FBXW12: variants seen among roughly 807,000 people sequenced by gnomAD.
The protein encoded by FBXW12 is F-box and WD repeat domain containing 12.
Under a neutral mutation model 55.3 loss-of-function variants are expected in FBXW12, and 43 were observed. The observed-to-expected ratio is 0.78, with a 90% CI of 0.61 to 1.00. FBXW12 has a LOEUF of 1.00. Among genes scored for constraint, FBXW12 ranks in the 50% least tolerant of loss-of-function variants. The pLI, the probability that FBXW12 is intolerant of heterozygous loss-of-function variation, is 0.00. For missense variants in FBXW12, 524 were observed against 560.5 expected, an observed-to-expected ratio of 0.93 and a Z score of 0.66; for synonymous variants, 184 against 203.8, an observed-to-expected ratio of 0.90 and a Z score of 0.83.
rs190619976 is a variant in FBXW12 at position 48,392,488 on chromosome 3, C to T, written c.1296-2072C>T. ...AAAAAAAAAAAAAGCCCACAAGAAC[C>T]ATGATGTTTTGATTACTATAGTTTT... On this transcript the variant is annotated intron_variant, in intron 10 of 10. Transcript: ENST00000296438. Among the ~76,000 whole-genome samples the T allele has an allele frequency of 1.8e-3, 266 of 147,012 alleles. 1 individual carries two copies. Among genetic ancestry groups the T allele is most frequent in the Non-Finnish European group, 3.2e-3 (215 of 67,180 alleles).
Position 48,373,704 on chromosome 3 carries a change from C to T in FBXW12, c.285C>T (p.Ile95=), listed in dbSNP as rs78302746. 1.7e-5 allele frequency: 27 copies of T among 1,613,316 alleles called. No individual in the cohort carries two copies. The highest frequency in any genetic ancestry group is 1.1e-4 in the South Asian group (10 of 91,012). ...TTATCTACAAAGTAACTAAGAACAT[C>T]GGTATGGGTATAGGTGCCCTAGAGG... The part of the protein sequence containing the change: ...HNFIYKVTKN[I]AFETELAYLS... The change falls in exon 4 of 11, where the codon ATC becomes ATT. Residue 95 remains isoleucine, a splice_region_variant and synonymous_variant. Coordinates refer to ENST00000296438, the MANE Select transcript of FBXW12 (RefSeq NM_207102.2).
intron 6 of FBXW12, 87 bp from the exon 7 acceptor site, chr3:48,379,313 T>C: frequency 8.3e-7 from 1 of 1,206,870 alleles, no homozygotes; most frequent in Non-Finnish European, 1.2e-6. Context: ...AACAGTGGCA[T>C]ATCTTGCAGC....
In FBXW12 at chr3:48,394,623, C is replaced by A; in HGVS notation, c.1359C>A (p.Asp453Glu). 1.2e-6 allele frequency: 2 copies of A among 1,604,574 alleles called. No homozygotes were observed. Among genetic ancestry groups the A allele is most frequent in the Non-Finnish European group, 1.7e-6 (2 of 1,173,966 alleles). ...TACTTAGGGTGAGGAAAGTAAGTGA[C>A]TCCAGCATTCTGGTGATGTATTCTT... The part of the protein sequence containing the change: ...SIVLRVRKVS[D>E]SSILVMYSLN... Residue 453 changes from aspartate (D) to glutamate (E), a missense_variant, in exon 11 of 11, where the codon GAC becomes GAA. By Grantham distance (45) the Asp-to-Glu change is conservative. Transcript: ENST00000296438.
chr3:48,381,330 G>C (rs908364075), intron 8 of FBXW12, among the ~76,000 whole-genome samples: 4 of 152,050 alleles, frequency 2.6e-5, no homozygotes, highest in South Asian at 4.2e-4. Context: ...CCAGGAGCAG[G>C]GGATTTCTTT....
chr3:48,390,198 T>G (rs1184426951), intron 10 of FBXW12, among the ~76,000 whole-genome samples: 1 of 152,156 alleles, frequency 6.6e-6, no homozygotes, highest in Non-Finnish European at 1.5e-5. Flanking sequence ...CTATTTAATA[T>G]GGAATCAGGA....
Position 48,390,350 on chromosome 3 carries a change from C to T in FBXW12, c.1296-4210C>T, listed in dbSNP as rs570950877. 1.1e-4 allele frequency among the ~76,000 whole-genome samples: 17 copies of T among 149,714 alleles called. No homozygotes were observed. In the South Asian group the frequency reaches 3.4e-3, roughly 30 times the overall value. Reference sequence around the variant, plus strand: ...ATTTTAATGATAATTGCTTCTTCTACTCTATGAGCATGAAATGTTTTTGCA... The same window carrying T: ...ATTTTAATGATAATTGCTTCTTCTATTCTATGAGCATGAAATGTTTTTGCA... On this transcript the variant is annotated intron_variant, in intron 10 of 10. Transcript: ENST00000296438.
At chr3:48,373,872 C>T (rs2036641593) in intron 4 of FBXW12, among the ~76,000 whole-genome samples, 167 bp downstream of exon 4, 1 of 152,194 alleles carries the variant, frequency 6.6e-6, no homozygotes, top group Non-Finnish European at 1.5e-5. Context: ...CTCCCTGCTT[C>T]CTCTCTTGTC....
At chr3:48,375,979 T>TC (rs1469009663) in intron 5 of FBXW12, among the ~76,000 whole-genome samples, 100 of 122,114 alleles carry the variant, frequency 8.2e-4, no homozygotes, top group African/African-American at 2.9e-3. Context: ...CCGGCCTTTT[T>TC]TTTTTTTTTT....
At position 48,382,008 on chromosome 3, in the gene FBXW12, G is replaced by C; in HGVS notation, c.1218G>C (p.Trp406Cys). The change falls in exon 10 of 11, where the codon TGG becomes TGC. Residue 406 changes from tryptophan (W) to cysteine (C), a missense_variant. Coordinates refer to ENST00000296438, the MANE Select transcript of FBXW12 (RefSeq NM_207102.2). The part of the protein sequence containing the change: ...TSENSVHVYM[W>C]EEGGRHPYLR... The stretch of plus-strand genomic sequence containing the variant: ...AGAACTCTGTGCACGTGTACATGTG[G>C]GAAGAAGGAGGCCGCCATCCATACC... The C allele has an allele frequency of 6.2e-7, 1 of 1,614,154 alleles. No individual in the cohort carries two copies. Among genetic ancestry groups the C allele is most frequent in the Non-Finnish European group, 8.5e-7 (1 of 1,180,030 alleles).
intron 8 of FBXW12, among the ~76,000 whole-genome samples, chr3:48,381,290 G>A (rs2036768288): frequency 6.6e-6 from 1 of 152,008 alleles, no homozygotes; most frequent in African/African-American, 2.4e-5. Context: ...CCAAAGTGCT[G>A]GGATTACAGG....
intron 10 of FBXW12, among the ~76,000 whole-genome samples, chr3:48,392,043 A>C (rs1166661178): frequency 6.6e-6 from 1 of 152,124 alleles, no homozygotes; most frequent in Non-Finnish European, 1.5e-5. Context: ...AATTGACCTT[A>C]AATGTGAGGG....
At chr3:48,372,923 C>T (rs1003899576) in intron 2 of FBXW12, 66 bp downstream of exon 2, 1 of 1,439,082 alleles carries the variant, frequency 6.9e-7, no homozygotes, top group Admixed American at 1.7e-5. Flanking sequence ...TTGAGCACCA[C>T]TTTGCAGAAT....
intron 6 of FBXW12, among the ~76,000 whole-genome samples, chr3:48,378,891 G>T (rs140586100): frequency 2.0e-5 from 3 of 152,050 alleles, no homozygotes; most frequent in Non-Finnish European, 4.4e-5. Context: ...AAGCCACAGC[G>T]CCTGGCCTAT....
At chr3:48,388,761 A>G (rs952489157) in intron 10 of FBXW12, among the ~76,000 whole-genome samples, 3 of 152,218 alleles carry the variant, frequency 2.0e-5, no homozygotes, top group African/African-American at 7.2e-5. Context: ...ATATTTGTAT[A>G]TATTTATGGG....
chr3:48,382,592 C>T (rs773447430), intron 10 of FBXW12, among the ~76,000 whole-genome samples: 2 of 152,090 alleles, frequency 1.3e-5, no homozygotes, highest in African/African-American at 4.8e-5. Context: ...ATTTATATTC[C>T]CATGAGCAGT....
chr3:48,379,608 G>A, intron 7 of FBXW12, 50 bp downstream of exon 7: 1 of 1,555,130 alleles, frequency 6.4e-7, no homozygotes, highest in South Asian at 1.1e-5. Context: ...TGTCAAGTTA[G>A]GAAGCATGCA....
chr3:48,390,789 G>A (rs113853109), intron 10 of FBXW12, among the ~76,000 whole-genome samples: 6 of 152,104 alleles, frequency 3.9e-5, no homozygotes, highest in African/African-American at 1.2e-4. Context: ...GTATTCCTAG[G>A]TAACTTATTT....
intron 10 of FBXW12, among the ~76,000 whole-genome samples, chr3:48,391,355 C>CACACACATAT (rs1301553701): frequency 2.8e-5 from 4 of 141,534 alleles, no homozygotes; most frequent in African/African-American, 1.0e-4. Context: ...CACACACACA[C>CACACACATAT]ATATATATAT....
chr3:48,391,317 TACACAC>T (rs140067012), intron 10 of FBXW12, among the ~76,000 whole-genome samples: 4,533 of 133,066 alleles, frequency 0.034, 204 homozygotes, highest in African/African-American at 0.1. Flanking sequence ...TATCTATCTA[TACACAC>T]ACACACACAC....
Sources: gnomAD v4.1 joint callset for allele counts (sites outside exome capture counted in the v4.1 genomes callset) on GRCh38, gnomAD v4.1.1 for gene constraint, MANE v1.5 for transcripts, NCBI Gene and HGNC (gene_info 2026-07-23, HGNC 2026-07-21) for gene names.